APLP1: variants seen among roughly 807,000 people sequenced by gnomAD.
APLP1 encodes amyloid beta (A4) precursor-like protein 1.
A neutral mutation model predicts 84.5 loss-of-function variants in APLP1; 46 were observed. The observed-to-expected ratio is 0.54, with a 90% CI of 0.43 to 0.70. The LOEUF is 0.70. Ranked by LOEUF, APLP1 falls within the 30% of genes least tolerant of loss-of-function variation. The pLI is 0.00. For synonymous variants in APLP1, 376 were observed against 364.0 expected, an observed-to-expected ratio of 1.03 and a Z score of -0.38; for missense variants, 826 against 900.2, an observed-to-expected ratio of 0.92 and a Z score of 1.05.
At chr19:35,877,557 C>T (rs537529522) in intron 11 of APLP1, among the ~76,000 whole-genome samples, 161 bp from the exon 12 acceptor site, 1 of 152,170 alleles carries the variant, frequency 6.6e-6, no homozygotes, top group African/African-American at 2.4e-5. Context: ...CCAGCAGTGC[C>T]TCCATCCAGC....
intron 10 of APLP1, among the ~76,000 whole-genome samples, chr19:35,875,160 C>CTTT (rs71167572): frequency 0.04 from 4,630 of 115,682 alleles, 221 homozygotes; most frequent in African/African-American, 0.082. Flanking sequence ...CCAGAATCGT[C>CTTT]TTTTTTTTTT....
chr19:35,879,181 G>T lies in APLP1; in HGVS notation c.1821G>T (p.Lys607Asn). ...TCTCCATGCTGCTCCTGCGCAGGAA[G>T]AAGCCCTACGGGGCTATCAGCCATG... ...IVLSMLLLRR[K>N]KPYGAISHGV... The change falls in exon 16 of 17, where the codon AAG (lysine) becomes AAT (asparagine). Residue 607 changes from lysine to asparagine, a missense_variant. Lys to Asn is a moderately conservative substitution (Grantham distance 94). Transcript: ENST00000221891. 1 of 1,613,078 alleles carries T rather than the reference G, an allele frequency of 6.2e-7. No individual in the cohort carries two copies. The highest frequency in any genetic ancestry group is 8.5e-7 in the Non-Finnish European group (1 of 1,180,000).
At position 35,879,157 on chromosome 19, in the gene APLP1, C is replaced by G. The variant is rs532658835; in HGVS notation, c.1797C>G (p.Leu599=). The G allele has an allele frequency of 5.0e-5, 80 of 1,612,876 alleles. 2 individuals are homozygous for G. In the South Asian group the frequency reaches 8.3e-4, roughly 17 times the overall value. The change falls in exon 16 of 17, where the codon CTC becomes CTG. Residue 599 remains leucine (L), a synonymous_variant. Coordinates refer to ENST00000221891, the MANE Select transcript of APLP1 (RefSeq NM_001024807.3). ...CGGGCGGAGGCTCCCTCATCGTCCTCTCCATGCTGCTCCTGCGCAGGAAGA... is the reference window on the plus strand; with the variant it reads ...CGGGCGGAGGCTCCCTCATCGTCCTGTCCATGCTGCTCCTGCGCAGGAAGA... ...MGAGGGSLIV[L]SMLLLRRKKP...
Position 35,873,681 on chromosome 19 carries a change from C to A in APLP1, c.1024C>A (p.Leu342Met), listed in dbSNP as rs757583528. The change falls in exon 8 of 17, where the codon CTG becomes ATG. Residue 342 changes from leucine (L) to methionine (M), a missense_variant. Around this residue, in one of 3 missense-constraint regions of APLP1, gnomAD observed 433 missense variants for 496.5 expected, o/e 0.87. Coordinates refer to ENST00000221891, the MANE Select transcript of APLP1 (RefSeq NM_001024807.3). ...CATGGCAGACAACCAGTCCAAGAAC[C>A]TGCCTAAAGCCGACAGACAGGCCCT... ...WAMADNQSKN[L>M]PKADRQALNE... 1 of 1,614,148 alleles carries A rather than the reference C, an allele frequency of 6.2e-7. No individual in the cohort carries two copies. The highest frequency in any genetic ancestry group is 8.5e-7 in the Non-Finnish European group (1 of 1,180,018).
Position 35,872,578 on chromosome 19 carries a change from G to T in APLP1, c.946G>T (p.Asp316Tyr). ...EHEGFLRAKM[D>Y]LEERRMRQIN... ...CGAGGGGTTCCTGAGGGCCAAGATGGACCTGGAGGAGCGTAGGATGCGCCA... is the reference window on the plus strand; with the variant it reads ...CGAGGGGTTCCTGAGGGCCAAGATGTACCTGGAGGAGCGTAGGATGCGCCA... The change falls in exon 7 of 17, where the codon GAC becomes TAC. Residue 316 changes from aspartate (D) to tyrosine (Y), a missense_variant. By Grantham distance (160) the Asp-to-Tyr change is radical. This residue lies in a region of APLP1 where 433 missense variants were observed against 496.5 expected (regional missense o/e 0.87). Coordinates refer to ENST00000221891, the MANE Select transcript of APLP1 (RefSeq NM_001024807.3). 1 of 1,613,840 alleles carries T rather than the reference G, an allele frequency of 6.2e-7. No homozygotes were observed. The highest frequency in any genetic ancestry group is 2.2e-5 in the East Asian group (1 of 44,864).
In APLP1 at chr19:35,874,540, G is replaced by A; in HGVS notation, c.1093G>A (p.Val365Met). Residue 365 changes from valine to methionine, a missense_variant, in exon 9 of 17, where the codon GTG becomes ATG. Coordinates refer to ENST00000221891, the MANE Select transcript of APLP1 (RefSeq NM_001024807.3). The surrounding 1 kb of genome is among the most constrained non-coding windows in gnomAD (Gnocchi z 6.4). Reference sequence around the variant, plus strand: ...CATTCTGCAGACTCTGGAGGAGCAGGTGTCTGGTGAGCGACAGCGCCTGGT... The same window carrying A: ...CATTCTGCAGACTCTGGAGGAGCAGATGTCTGGTGAGCGACAGCGCCTGGT... ...QSILQTLEEQ[V>M]SGERQRLVET... 6 of 1,614,210 alleles carry A rather than the reference G, an allele frequency of 3.7e-6. No homozygotes were observed. The highest frequency in any genetic ancestry group is 5.1e-6 in the Non-Finnish European group (6 of 1,180,040).
chr19:35,872,400 A>C, intron 6 of APLP1, 83 bp from the exon 7 acceptor site: 1 of 1,545,666 alleles, frequency 6.5e-7, no homozygotes. Context: ...TCTCCAGTGC[A>C]CTCTAGGAAA....
At chr19:35,871,513 A>G (rs2146903867) in intron 4 of APLP1, 99 bp from the exon 5 acceptor site, 2 of 1,492,394 alleles carry the variant, frequency 1.3e-6, no homozygotes, top group East Asian at 2.3e-5. Flanking sequence ...GCAGGAATCC[A>G]GGCTCCCAGC....
chr19:35,871,765 C>T lies in APLP1; in HGVS notation c.671+20C>T, dbSNP rs1974153886. ...AGTTGGGTGAGTGGGAGGGAACCCT[C>T]CATGCCCATCTCAAGGTTCCTGAGG... On this transcript the variant is annotated intron_variant, in intron 5 of 16. Coordinates refer to ENST00000221891, the MANE Select transcript of APLP1 (RefSeq NM_001024807.3). 6.2e-7 allele frequency: 1 copy of T among 1,613,976 alleles called. No homozygotes were observed. Among genetic ancestry groups the T allele is most frequent in the Admixed American group, 1.7e-5 (1 of 60,004 alleles).
Position 35,870,936 on chromosome 19 carries a change from C to T in APLP1, c.332C>T (p.Thr111Met), listed in dbSNP as rs757097521. 42 of 1,600,424 alleles carry T rather than the reference C, an allele frequency of 2.6e-5. No homozygotes were observed. The South Asian group carries it at 3.2e-4, about 12-fold the overall frequency. Residue 111 changes from threonine (T) to methionine (M), a missense_variant, in exon 3 of 17, where the codon ACG (threonine) becomes ATG (methionine). Transcript: ENST00000221891. ...CAGATTGCACGTGTGGAGCAGGCTA[C>T]GCAGGCCATCCCCATGGAGCGCTGG... ...ELQIARVEQA[T>M]QAIPMERWCG...
chr19:35,877,983 A>G (rs773739185), intron 12 of APLP1, 99 bp from the exon 13 acceptor site: 532 of 1,422,728 alleles, frequency 3.7e-4, no homozygotes, highest in Non-Finnish European at 4.9e-4. Flanking sequence ...AGGATCCCCA[A>G]TCCTCCTTCT....
chr19:35,872,035 A>C lies in APLP1; in HGVS notation c.849A>C (p.Lys283Asn). ...PSSHTLAVVG[K>N]VTPTPRPTDG... ...CCCATACACTTGCAGTGGTCGGCAA[A>C]GGTGAGGCAGTCTCTGAACCCCTGG... Residue 283 changes from lysine to asparagine, a missense_variant and splice_region_variant, in exon 6 of 17, where the codon AAA becomes AAC. By Grantham distance (94) the Lys-to-Asn change is moderately conservative (BLOSUM62 0). Transcript: ENST00000221891. 2 of 1,613,232 alleles carry C rather than the reference A, an allele frequency of 1.2e-6. No homozygotes were observed. The highest frequency in any genetic ancestry group is 1.7e-6 in the Non-Finnish European group (2 of 1,179,478).
rs374827957 is a variant in APLP1 at position 35,873,600 on chromosome 19, G to C, written c.982-39G>C. ...TTGGGGGACTTGCCAGGTGGATCAG[G>C]GTGGATTCTGGGATCCTGAAGCTCC... On this transcript the variant is annotated intron_variant, in intron 7 of 16. Transcript: ENST00000221891. 2.5e-6 allele frequency: 4 copies of C among 1,606,838 alleles called. No homozygotes were observed. The Admixed American group carries it at 6.7e-5, about 27-fold the overall frequency.
rs1308053875 is a variant in APLP1 at position 35,870,902 on chromosome 19, C to T, written c.298C>T (p.Pro100Ser). 6.2e-7 allele frequency: 1 copy of T among 1,604,582 alleles called. No individual in the cohort carries two copies. Among genetic ancestry groups the T allele is most frequent in the South Asian group, 1.1e-5 (1 of 88,590 alleles). The change falls in exon 3 of 17, where the codon CCG becomes TCG. Residue 100 changes from proline (P) to serine (S), a missense_variant. By Grantham distance (74) the Pro-to-Ser change is moderately conservative (BLOSUM62 -1). This residue lies in a region of APLP1 where 383 missense variants were observed against 378.3 expected (regional missense o/e 1.01). Coordinates refer to ENST00000221891, the MANE Select transcript of APLP1 (RefSeq NM_001024807.3). Reference sequence around the variant, plus strand: ...CCCCATCTGATCCCCCCAGATGTACCCGGAGCTGCAGATTGCACGTGTGGA... The same window carrying T: ...CCCCATCTGATCCCCCCAGATGTACTCGGAGCTGCAGATTGCACGTGTGGA... ...RVLEYCRQMY[P>S]ELQIARVEQA...
rs750878393 is a variant in APLP1 at position 35,877,820 on chromosome 19, A to G, written c.1547A>G (p.Lys516Arg). Residue 516 changes from lysine to arginine, a missense_variant, in exon 12 of 17, where the codon AAG becomes AGG. Lys to Arg is a conservative substitution (Grantham distance 26, BLOSUM62 2). Coordinates refer to ENST00000221891, the MANE Select transcript of APLP1 (RefSeq NM_001024807.3). ...DKGGLQPPDSKDADTPMTLPK... is the reference protein window; with the variant it reads ...DKGGLQPPDSRDADTPMTLPK... ...GGTGGGCTGCAGCCTCCAGATTCCA[A>G]GGATGGTGAGTGAGCCCACATATAG... The G allele has an allele frequency of 7.5e-6, 12 of 1,608,530 alleles. No homozygotes were observed. The highest frequency in any genetic ancestry group is 8.5e-7 in the Non-Finnish European group (1 of 1,178,108).
At position 35,869,933 on chromosome 19, in the gene APLP1, G is replaced by C. The variant is rs943724788; in HGVS notation, c.291+123G>C. The C allele has an allele frequency of 5.4e-6, 7 of 1,284,660 alleles. No individual in the cohort carries two copies. The Admixed American group carries it at 1.9e-4, about 34-fold the overall frequency. 79.6% of individuals were successfully genotyped at this position (1,284,660 alleles called of 1,614,324 possible). A position where few individuals can be genotyped will look rare whatever the true frequency, so the allele number is the denominator to read the frequency against. On this transcript the variant is annotated intron_variant, in intron 2 of 16. Coordinates refer to ENST00000221891, the MANE Select transcript of APLP1 (RefSeq NM_001024807.3). The stretch of plus-strand genomic sequence containing the variant: ...TGGGGGGCGTGGCCAATAAAGAGGC[G>C]CAACTATGCTAGGGGCAGGGGACCT...
At position 35,871,041 on chromosome 19, in the gene APLP1, C is replaced by CG. The variant is rs1340339801; in HGVS notation, c.424+17dup. 21 of 1,513,884 alleles carry CG rather than the reference C, an allele frequency of 1.4e-5. No homozygotes were observed. Among genetic ancestry groups the CG allele is most frequent in the Non-Finnish European group, 1.9e-5 (21 of 1,129,700 alleles). The allele number at this position is 1,513,884 out of a possible 1,614,324, so 93.8% of individuals were successfully genotyped here. A position where few individuals can be genotyped will look rare whatever the true frequency, so the allele number is the denominator to read the frequency against. The stretch of plus-strand genomic sequence containing the variant: ...TTCCGCTGCCTGCGTGAGTCCCAGG[C>CG]GGGGAGAGGGGAACTGAGGTGGGAG... On this transcript the variant is annotated intron_variant, in intron 3 of 16. Coordinates refer to ENST00000221891, the MANE Select transcript of APLP1 (RefSeq NM_001024807.3).
intron 3 of APLP1, 62 bp downstream of exon 3, chr19:35,871,090 C>A (rs922534557): frequency 5.0e-5 from 75 of 1,501,754 alleles, no homozygotes; most frequent in Non-Finnish European, 6.3e-5. Context: ...AGGTTCTGAG[C>A]CCCTCTCTCA....
rs1974374526 is a variant in APLP1, at chr19:35,879,699, A to C, written c.*258A>C. 1 of 506,204 alleles carries C rather than the reference A, an allele frequency of 2.0e-6. No homozygotes were observed. Among genetic ancestry groups the C allele is most frequent in the East Asian group, 3.5e-5 (1 of 28,836 alleles). 31.4% of individuals were successfully genotyped at this position (506,204 alleles called of 1,614,324 possible). On this transcript the variant is annotated 3_prime_UTR_variant, in exon 17 of 17. Coordinates refer to ENST00000221891, the MANE Select transcript of APLP1 (RefSeq NM_001024807.3). ...TTTTAAGTTTATTTATGGCTCTTTA[A>C]GGTGACCGCCACCTTGGTCCTAGTG...
Sources: gnomAD v4.1 joint callset for allele counts (sites outside exome capture counted in the v4.1 genomes callset) on GRCh38, gnomAD v4.1.1 for gene constraint, gnomAD v4.1.1 regional missense constraint, Gnocchi (gnomAD v3.1) non-coding constraint, MANE v1.5 for transcripts, NCBI Gene and HGNC (gene_info 2026-07-23, HGNC 2026-07-21) for gene names.